The following KIRREL3 variants were observed in gnomAD, a reference collection of about 807,000 sequenced individuals.
The protein encoded by KIRREL3 is kin of IRRE-like protein 3.
A neutral mutation model predicts 89.7 loss-of-function variants in KIRREL3; 36 were observed. The observed-to-expected ratio is 0.40, with a 90% CI of 0.31 to 0.53. The LOEUF is 0.53. KIRREL3 is among the 20% of genes least tolerant of loss of function. The pLI is 0.49. For missense variants in KIRREL3, 864 were observed against 1,056.6 expected, an observed-to-expected ratio of 0.82 and a Z score of 2.53; for synonymous variants, 445 against 441.4, an observed-to-expected ratio of 1.01 and a Z score of -0.10.
At position 126,432,621 on chromosome 11, in the gene KIRREL3, A is replaced by C. The variant is rs1475506046; in HGVS notation, c.1589-1095T>G. Among the ~76,000 whole-genome samples the C allele has an allele frequency of 6.6e-6, 1 of 151,390 alleles. No individual in the cohort carries two copies. Among genetic ancestry groups the C allele is most frequent in the African/African-American group, 2.4e-5 (1 of 41,158 alleles). ...CGTCCAGCTCCACCCACAGAGTGAC[A>C]TGTGAGATCCCCCACATCTCATGTG... On this transcript the variant is annotated intron_variant, in intron 13 of 16. Transcript: ENST00000525144. The surrounding 1 kb of genome is among the most constrained non-coding windows in gnomAD (Gnocchi z 6.2).
chr11:126,507,150 A>G (rs1384709106), intron 4 of KIRREL3, among the ~76,000 whole-genome samples: 1 of 152,210 alleles, frequency 6.6e-6, no homozygotes, highest in East Asian at 1.9e-4. Context: ...TACTCATACC[A>G]TATATCCAGA....
rs189884187 is a variant in KIRREL3, at chr11:126,948,446, G to A, written c.55+52009C>T. Among the ~76,000 whole-genome samples, 5 of 152,254 alleles carry A rather than the reference G, an allele frequency of 3.3e-5. No homozygotes were observed. The highest frequency in any genetic ancestry group is 1.9e-4 in the East Asian group (1 of 5,174). On this transcript the variant is annotated intron_variant, in intron 1 of 16. Coordinates refer to ENST00000525144, the MANE Select transcript of KIRREL3 (RefSeq NM_032531.4). The surrounding 1 kb of genome is among the most constrained non-coding windows in gnomAD (Gnocchi z 4.5). ...CTATGCTCAGAGCTAAGAGAACAGC[G>A]GGGTAGACTAGAAATACTATGCAGG...
intron 1 of KIRREL3, among the ~76,000 whole-genome samples, chr11:126,986,806 C>T (rs557109074): frequency 6.6e-6 from 1 of 152,324 alleles, no homozygotes; most frequent in African/African-American, 2.4e-5. Context: ...CCACGAGTCA[C>T]CTTAAATTCT....
chr11:126,526,276 T>C lies in KIRREL3; in HGVS notation c.283+262A>G, dbSNP rs1958748769. Among the ~76,000 whole-genome samples, 2 of 152,188 alleles carry C rather than the reference T, an allele frequency of 1.3e-5. No individual in the cohort carries two copies. Among genetic ancestry groups the C allele is most frequent in the Admixed American group, 1.3e-4 (2 of 15,280 alleles). Reference sequence around the variant, plus strand: ...TCATGTTTGACTTTGGAGTAGGTGCTTGAGGGCAATGTCGAGTTAGGTTAG... The same window carrying C: ...TCATGTTTGACTTTGGAGTAGGTGCCTGAGGGCAATGTCGAGTTAGGTTAG... On this transcript the variant is annotated intron_variant, in intron 3 of 16. Coordinates refer to ENST00000525144, the MANE Select transcript of KIRREL3 (RefSeq NM_032531.4). The surrounding 1 kb of genome is among the most constrained non-coding windows in gnomAD (Gnocchi z 5.7).
At position 126,867,312 on chromosome 11, in the gene KIRREL3, C is replaced by T. The variant is rs1453449333; in HGVS notation, c.55+133143G>A. Among the ~76,000 whole-genome samples the T allele has an allele frequency of 2.0e-5, 3 of 152,230 alleles. No homozygotes were observed. Among genetic ancestry groups the T allele is most frequent in the African/African-American group, 7.2e-5 (3 of 41,464 alleles). On this transcript the variant is annotated intron_variant, in intron 1 of 16. Coordinates refer to ENST00000525144, the MANE Select transcript of KIRREL3 (RefSeq NM_032531.4). The surrounding 1 kb of genome is among the most constrained non-coding windows in gnomAD (Gnocchi z 4.7). ...AGGACCTGTGCTGGGACTCTCCTCT[C>T]ATTACCTGCACTCCAATGGGTCCAG... is the stretch of plus-strand genomic sequence containing the variant.
In KIRREL3 at chr11:126,766,621, C is replaced by G. The variant is rs972321684; in HGVS notation, c.56-203709G>C. Among the ~76,000 whole-genome samples, 3 of 152,130 alleles carry G rather than the reference C, an allele frequency of 2.0e-5. No individual in the cohort carries two copies. Among genetic ancestry groups the G allele is most frequent in the Admixed American group, 6.6e-5 (1 of 15,262 alleles). The stretch of plus-strand genomic sequence containing the variant: ...TCATGGTGGCGCCAGTAGTATCATT[C>G]CATTACCATTTCCTCAAATGGGGAG... On this transcript the variant is annotated intron_variant, in intron 1 of 16. Coordinates refer to ENST00000525144, the MANE Select transcript of KIRREL3 (RefSeq NM_032531.4). This position sits in a 1 kb window ranked among gnomAD's most constrained non-coding sequence, Gnocchi z 4.2.
rs1940148583 is a variant in KIRREL3, at chr11:126,561,858, G to A, written c.133+977C>T. Among the ~76,000 whole-genome samples the A allele has an allele frequency of 6.6e-6, 1 of 152,160 alleles. No homozygotes were observed. The highest frequency in any genetic ancestry group is 1.5e-5 in the Non-Finnish European group (1 of 68,036). ...CATGGGGATGTGGTTGTCGTGGTCG[G>A]GGTTGGGAGGAGAGACAGCTGAGGA... On this transcript the variant is annotated intron_variant, in intron 2 of 16. Transcript: ENST00000525144. The surrounding 1 kb of genome is among the most constrained non-coding windows in gnomAD (Gnocchi z 4.5).
intron 1 of KIRREL3, among the ~76,000 whole-genome samples, chr11:126,956,739 C>A (rs1948933443): frequency 6.6e-6 from 1 of 152,168 alleles, no homozygotes; most frequent in African/African-American, 2.4e-5. Flanking sequence ...CCCATCAGAA[C>A]AAATTACACT....
At chr11:126,841,930 A>G (rs2134526288) in intron 1 of KIRREL3, among the ~76,000 whole-genome samples, 1 of 152,306 alleles carries the variant, frequency 6.6e-6, no homozygotes, top group Middle Eastern at 3.4e-3. Context: ...GAAATAAGGA[A>G]GCACAATAGC....
rs150991815 is a variant in KIRREL3 at position 126,758,817 on chromosome 11, C to T, written c.56-195905G>A. Among the ~76,000 whole-genome samples, 535 of 152,276 alleles carry T rather than the reference C, an allele frequency of 3.5e-3. 1 individual carries two copies. Among genetic ancestry groups the T allele is most frequent in the Non-Finnish European group, 6.6e-3 (447 of 68,016 alleles). On this transcript the variant is annotated intron_variant, in intron 1 of 16. Coordinates refer to ENST00000525144, the MANE Select transcript of KIRREL3 (RefSeq NM_032531.4). Reference sequence around the variant, plus strand: ...ACAATTTCTCCCTCAAAACTGCTTCCGTAGCAGAAAAAGCTTTGACCGATA... The same window carrying T: ...ACAATTTCTCCCTCAAAACTGCTTCTGTAGCAGAAAAAGCTTTGACCGATA...
intron 1 of KIRREL3, among the ~76,000 whole-genome samples, chr11:126,826,967 C>T (rs1943437984): frequency 6.6e-6 from 1 of 152,160 alleles, no homozygotes; most frequent in African/African-American, 2.4e-5. Context: ...AGGTCATCCC[C>T]CTCCCTTTTC....
intron 4 of KIRREL3, among the ~76,000 whole-genome samples, chr11:126,517,761 C>A (rs1958465351): frequency 6.6e-6 from 1 of 152,220 alleles, no homozygotes; most frequent in African/African-American, 2.4e-5. Context: ...GGGAGCGAGA[C>A]AGTTCTCAGC....
chr11:126,430,884 A>T lies in KIRREL3; in HGVS notation c.1696+535T>A. The T allele has an allele frequency of 1.4e-6, 1 of 732,518 alleles. No individual in the cohort carries two copies. Among genetic ancestry groups the T allele is most frequent in the Non-Finnish European group, 1.7e-6 (1 of 594,890 alleles). 45.4% of individuals were successfully genotyped at this position (732,518 alleles called of 1,614,324 possible). ...CACACGTTATCTCCTCGGTGCACGC[A>T]ATTCTTCAAGCGTGCACAAACACTA... On this transcript the variant is annotated intron_variant, in intron 14 of 16. Coordinates refer to ENST00000525144, the MANE Select transcript of KIRREL3 (RefSeq NM_032531.4). This position sits in a 1 kb window ranked among gnomAD's most constrained non-coding sequence, Gnocchi z 6.6.
At position 126,729,411 on chromosome 11, in the gene KIRREL3, T is replaced by G. The variant is rs1362469747; in HGVS notation, c.56-166499A>C. ...CACAAGGCTCATTTTAGGGACATAT[T>G]GCAGGAGAGACAGGAAATTGAAATT... On this transcript the variant is annotated intron_variant, in intron 1 of 16. Transcript: ENST00000525144. The surrounding 1 kb of genome is among the most constrained non-coding windows in gnomAD (Gnocchi z 4.5). Among the ~76,000 whole-genome samples, 1 of 152,218 alleles carries G rather than the reference T, an allele frequency of 6.6e-6. No individual in the cohort carries two copies. The highest frequency in any genetic ancestry group is 1.5e-5 in the Non-Finnish European group (1 of 68,042).
chr11:126,835,704 G>C (rs1943757895), intron 1 of KIRREL3, among the ~76,000 whole-genome samples: 1 of 152,248 alleles, frequency 6.6e-6, no homozygotes, highest in Admixed American at 6.5e-5. Flanking sequence ...GGGTATTGAA[G>C]TGTGGTGTTG....
Position 126,903,634 on chromosome 11 carries a change from G to GT in KIRREL3, c.55+96820_55+96821insA, listed in dbSNP as rs1946460370. On this transcript the variant is annotated intron_variant, in intron 1 of 16. Transcript: ENST00000525144. This position sits in a 1 kb window ranked among gnomAD's most constrained non-coding sequence, Gnocchi z 4.5. ...AAAAAAGCTGTAGCCTCTTTGCTGA[G>GT]CTCCTGGAGACATTTGGTCTATTGG... Among the ~76,000 whole-genome samples the GT allele has an allele frequency of 6.6e-6, 1 of 152,206 alleles. No homozygotes were observed. The highest frequency in any genetic ancestry group is 6.5e-5 in the Admixed American group (1 of 15,288).
In KIRREL3 at chr11:126,430,012, G is replaced by A. The variant is rs934264497; in HGVS notation, c.1697-724C>T. Among the ~76,000 whole-genome samples, 8 of 152,136 alleles carry A rather than the reference G, an allele frequency of 5.3e-5. No individual in the cohort carries two copies. The highest frequency in any genetic ancestry group is 1.9e-4 in the African/African-American group (8 of 41,438). On this transcript the variant is annotated intron_variant, in intron 14 of 16. Transcript: ENST00000525144. This position sits in a 1 kb window ranked among gnomAD's most constrained non-coding sequence, Gnocchi z 6.6. ...TAGCTGGGCGTGGTGGTGGGTGCCT[G>A]TAATGCCAGCTACTCGGGAGGCTGA...
chr11:126,960,001 T>C (rs1793662), intron 1 of KIRREL3, among the ~76,000 whole-genome samples: 11,092 of 152,272 alleles, frequency 0.073, 552 homozygotes, highest in Middle Eastern at 0.18. Flanking sequence ...TTATTGTTTT[T>C]TTAATCCCTC....
rs192229990 is a variant in KIRREL3 at position 126,758,124 on chromosome 11, G to A, written c.56-195212C>T. Among the ~76,000 whole-genome samples the A allele has an allele frequency of 2.0e-4, 31 of 152,340 alleles. No individual in the cohort carries two copies. In the East Asian group the frequency reaches 5.4e-3, roughly 27 times the overall value. The stretch of plus-strand genomic sequence containing the variant: ...GTGACGTTACTTAGTTGAGCTCTCC[G>A]ATTTGGCTATTAAGACTCTCAAAGT... On this transcript the variant is annotated intron_variant, in intron 1 of 16. Transcript: ENST00000525144.
Sources: gnomAD v4.1 joint callset for allele counts (sites outside exome capture counted in the v4.1 genomes callset) on GRCh38, gnomAD v4.1.1 for gene constraint, Gnocchi (gnomAD v3.1) non-coding constraint, MANE v1.5 for transcripts, NCBI Gene and HGNC (gene_info 2026-07-23, HGNC 2026-07-21) for gene names.